Variants in STARD13 observed in about 807,000 individuals in gnomAD.
STARD13 encodes stAR-related lipid transfer protein 13.
STARD13 carries 62 observed loss-of-function variants against 106.4 expected under a neutral mutation model. The ratio of observed to expected loss-of-function variants is 0.58; its 90% CI spans 0.48 to 0.72. The LOEUF is 0.72. Among genes scored for constraint, STARD13 ranks in the 30% least tolerant of loss-of-function variants. The pLI, the probability that STARD13 is intolerant of heterozygous loss-of-function variation, is 0.00. For missense variants in STARD13, 1,387 were observed against 1,424.0 expected (o/e 0.97, Z 0.42); for synonymous variants, 565 against 553.0 (o/e 1.02, Z -0.31).
chr13:33,273,654 TG>T (rs1398256261), intron 1 of STARD13, among the ~76,000 whole-genome samples: 2 of 152,208 alleles, frequency 1.3e-5, no homozygotes, highest in African/African-American at 4.8e-5. Flanking sequence ...TCAAAAGGAA[TG>T]AAATCCTTAG....
Position 33,167,725 on chromosome 13 carries a change from C to T in STARD13, c.170-103G>A, listed in dbSNP as rs1883493374. The T allele has an allele frequency of 6.6e-6, 8 of 1,213,748 alleles. No individual in the cohort carries two copies. The Admixed American group carries it at 1.3e-4, about 20-fold the overall frequency. The allele number at this position is 1,213,748 out of a possible 1,614,324, so 75.2% of individuals were successfully genotyped here. A position where few individuals can be genotyped will look rare whatever the true frequency, so the allele number is the denominator to read the frequency against. The stretch of plus-strand genomic sequence containing the variant: ...CTGGTGAGCTTTGTGCAAGTTATTA[C>T]AAAGCAAAATTGTTCCAGGTAAGTC... On this transcript the variant is annotated intron_variant, in intron 1 of 13. Coordinates refer to ENST00000336934, the MANE Select transcript of STARD13 (RefSeq NM_178006.4).
chr13:33,192,696 C>T (rs1243592872), intron 1 of STARD13, among the ~76,000 whole-genome samples: 1 of 152,062 alleles, frequency 6.6e-6, no homozygotes, highest in Non-Finnish European at 1.5e-5. Flanking sequence ...GTCGGGAGTT[C>T]AAGACCAACC....
chr13:33,378,575 G>A, the STARD13 span, among the ~76,000 whole-genome samples: 2 of 152,254 alleles, frequency 1.3e-5, no homozygotes, highest in Non-Finnish European at 2.9e-5. Flanking sequence ...CGGATCACGA[G>A]GTCAGGAGTT....
the STARD13 span, among the ~76,000 whole-genome samples, chr13:33,500,147 T>C: frequency 6.6e-6 from 1 of 151,988 alleles, no homozygotes; most frequent in African/African-American, 2.4e-5. Flanking sequence ...CCAAATACCA[T>C]CACATTGTGG....
intron 13 of STARD13, among the ~76,000 whole-genome samples, chr13:33,106,351 G>A (rs1225410717): frequency 2.6e-5 from 4 of 152,200 alleles, no homozygotes; most frequent in Non-Finnish European, 4.4e-5. Flanking sequence ...AGCCCAGGAG[G>A]TGGAGGTTGC....
chr13:33,315,617 C>G (rs1893303164), intron 1 of STARD13, among the ~76,000 whole-genome samples: 1 of 152,040 alleles, frequency 6.6e-6, no homozygotes, highest in African/African-American at 2.4e-5. Flanking sequence ...GTTTCATGTA[C>G]CTTAAGACAG....
At chr13:33,656,264 A>G in the STARD13 span, among the ~76,000 whole-genome samples, 1 of 152,198 alleles carries the variant, frequency 6.6e-6, no homozygotes, top group Non-Finnish European at 1.5e-5. Flanking sequence ...ATAAATATTT[A>G]TGGATGGAAG....
intron 3 of STARD13, among the ~76,000 whole-genome samples, chr13:33,162,796 T>C (rs1026176769): frequency 6.6e-6 from 1 of 151,932 alleles, no homozygotes; most frequent in Non-Finnish European, 1.5e-5. Context: ...TTCTAGGAGG[T>C]TCCAAACTTT....
chr13:33,471,556 A>C, the STARD13 span, among the ~76,000 whole-genome samples: 1 of 152,242 alleles, frequency 6.6e-6, no homozygotes, highest in Non-Finnish European at 1.5e-5. Context: ...CTAAAATATA[A>C]GACTTGCAGA....
chr13:33,266,183 T>A (rs903603492), intron 1 of STARD13, among the ~76,000 whole-genome samples: 60 of 152,140 alleles, frequency 3.9e-4, no homozygotes, highest in Admixed American at 3.9e-3. Flanking sequence ...GTTATTTGGG[T>A]TTAACTGGAA....
chr13:33,564,224 A>G, the STARD13 span, among the ~76,000 whole-genome samples: 65 of 144,700 alleles, frequency 4.5e-4, 7 homozygotes, highest in South Asian at 9.8e-3. Context: ...AAAAAAAAAA[A>G]AAAGAAAAGA....
chr13:33,224,420 A>G (rs1354542005), intron 1 of STARD13, among the ~76,000 whole-genome samples: 1 of 152,176 alleles, frequency 6.6e-6, no homozygotes, highest in African/African-American at 2.4e-5. Flanking sequence ...CATACAACAC[A>G]AGTGTACTTA....
chr13:33,290,357 C>T (rs1170876171), upstream of STARD13, among the ~76,000 whole-genome samples: 1 of 152,202 alleles, frequency 6.6e-6, no homozygotes, highest in Non-Finnish European at 1.5e-5. Context: ...ATGTCAAAGC[C>T]TTCCTGTGGG....
the STARD13 span, among the ~76,000 whole-genome samples, chr13:33,521,493 G>A: frequency 6.6e-6 from 1 of 152,084 alleles, no homozygotes; most frequent in African/African-American, 2.4e-5. Flanking sequence ...TTCACAGCTA[G>A]AACAGCATCA....
At chr13:33,499,528 CT>C in the STARD13 span, among the ~76,000 whole-genome samples, 3 of 44,088 alleles carry the variant, frequency 6.8e-5, no homozygotes, top group East Asian at 6.4e-4. Flanking sequence ...CTTTCTTCTT[CT>C]TCTTCTTCTT....
chr13:33,594,047 C>T, the STARD13 span, among the ~76,000 whole-genome samples: 2 of 152,160 alleles, frequency 1.3e-5, no homozygotes, highest in African/African-American at 4.8e-5. Context: ...GCTGGGACTA[C>T]AGGTGCCCGC....
intron 1 of STARD13, among the ~76,000 whole-genome samples, chr13:33,214,432 C>A (rs1407479058): frequency 6.6e-6 from 1 of 152,090 alleles, no homozygotes; most frequent in Non-Finnish European, 1.5e-5. Context: ...CATTTGCTAA[C>A]GTATTTGACT....
intron 1 of STARD13, among the ~76,000 whole-genome samples, chr13:33,227,050 C>T (rs1233673653): frequency 6.6e-6 from 1 of 152,128 alleles, no homozygotes; most frequent in Admixed American, 6.5e-5. Flanking sequence ...TAAGCAAAAC[C>T]AAACTGAGTG....
chr13:33,420,028 C>T, the STARD13 span, among the ~76,000 whole-genome samples: 1 of 152,194 alleles, frequency 6.6e-6, no homozygotes, highest in Non-Finnish European at 1.5e-5. Context: ...ACCATTGATG[C>T]TATGAAGAAA....
Sources: gnomAD v4.1 joint callset for allele counts (sites outside exome capture counted in the v4.1 genomes callset) on GRCh38, gnomAD v4.1.1 for gene constraint, MANE v1.5 for transcripts, NCBI Gene and HGNC (gene_info 2026-07-23, HGNC 2026-07-21) for gene names.